Variants in ARMC1 observed in about 807,000 individuals in gnomAD.
ARMC1 encodes armadillo repeat-containing protein 1.
Under a neutral mutation model 31.4 loss-of-function variants are expected in ARMC1, and 16 were observed. The ratio of observed to expected loss-of-function variants is 0.51; its 90% CI spans 0.34 to 0.77. ARMC1 has a LOEUF of 0.77. ARMC1 is among the 30% of genes least tolerant of loss of function. ARMC1 has a pLI of 0.01. For synonymous variants in ARMC1, 114 were observed against 118.9 expected (o/e 0.96, Z 0.27); for missense variants, 259 against 347.5 (o/e 0.75, Z 2.02).
At chr8:65,611,201 T>G (rs1476180854) in intron 4 of ARMC1, among the ~76,000 whole-genome samples, 3 of 152,230 alleles carry the variant, frequency 2.0e-5, no homozygotes, top group Admixed American at 6.5e-5. Flanking sequence ...CCCAAAGTGC[T>G]GGCATTACCG....
intron 3 of ARMC1, among the ~76,000 whole-genome samples, chr8:65,617,271 A>G (rs989697194): frequency 2.6e-4 from 40 of 152,228 alleles, no homozygotes; most frequent in Non-Finnish European, 4.9e-4. Flanking sequence ...TTTGTTCTAT[A>G]CTAAGAAAAA....
chr8:65,632,561 C>T (rs1563422932), intron 1 of ARMC1, among the ~76,000 whole-genome samples: 1 of 151,580 alleles, frequency 6.6e-6, no homozygotes, highest in Non-Finnish European at 1.5e-5. Context: ...TGCAGTGAGC[C>T]GAGATTGTGC....
intron 3 of ARMC1, among the ~76,000 whole-genome samples, chr8:65,616,826 T>C (rs1183821307): frequency 6.8e-5 from 8 of 117,218 alleles, no homozygotes; most frequent in African/African-American, 1.7e-4. Flanking sequence ...CCGGCCGCCC[T>C]GTCTGAGAAG....
Position 65,605,290 on chromosome 8 carries a change from T to C in ARMC1, c.630A>G (p.Gln210=). ...CTTCTCCACTTTCACTTTTCACAAC[T>C]TGCTGAGCTTTCATAACCTTGGTTG... is the stretch of plus-strand genomic sequence containing the variant. ...IASTKVMKAQ[Q]VVKSESGEEM... Residue 210 remains glutamine (Q), a synonymous_variant, in exon 6 of 7, where the codon CAA becomes CAG. Coordinates refer to ENST00000276569, the MANE Select transcript of ARMC1 (RefSeq NM_018120.6). 1 of 1,613,708 alleles carries C rather than the reference T, an allele frequency of 6.2e-7. No homozygotes were observed. The highest frequency in any genetic ancestry group is 1.1e-5 in the South Asian group (1 of 90,926).
At chr8:65,618,895 T>C (rs1808333968) in intron 3 of ARMC1, among the ~76,000 whole-genome samples, 1 of 151,700 alleles carries the variant, frequency 6.6e-6, no homozygotes, top group Non-Finnish European at 1.5e-5. Context: ...TACAAAAAAT[T>C]AGCCGGGCGT....
chr8:65,627,242 G>T lies in ARMC1; in HGVS notation c.157C>A (p.Pro53Thr). ...AGCAAAGCGGAGTGGACGACTGGAGGGTTGGGATGGTCCATAAATAAAATA... is the reference window on the plus strand; with the variant it reads ...AGCAAAGCGGAGTGGACGACTGGAGTGTTGGGATGGTCCATAAATAAAATA... ...GLILFMDHPN[P>T]PVVHSALLAL... The change falls in exon 2 of 7, where the codon CCT becomes ACT. Residue 53 changes from proline (P) to threonine (T), a missense_variant. Coordinates refer to ENST00000276569, the MANE Select transcript of ARMC1 (RefSeq NM_018120.6). 1 of 1,600,174 alleles carries T rather than the reference G, an allele frequency of 6.2e-7. No individual in the cohort carries two copies. Among genetic ancestry groups the T allele is most frequent in the Non-Finnish European group, 8.5e-7 (1 of 1,172,024 alleles).
chr8:65,617,033 G>A (rs1208478845), intron 3 of ARMC1, among the ~76,000 whole-genome samples: 8 of 151,276 alleles, frequency 5.3e-5, no homozygotes, highest in Non-Finnish European at 1.5e-5. Flanking sequence ...CAGCCACCCC[G>A]TCCGGGAGGT....
rs181125184 is a variant in ARMC1 at position 65,623,499 on chromosome 8, C to T, written c.184-1145G>A. On this transcript the variant is annotated intron_variant, in intron 2 of 6. Coordinates refer to ENST00000276569, the MANE Select transcript of ARMC1 (RefSeq NM_018120.6). ...TGGCACGCACCTGTAATCCCAGCTA[C>T]TCGGGAGACTGAGGCAGGAGAATCG... Among the ~76,000 whole-genome samples, 569 of 151,184 alleles carry T rather than the reference C, an allele frequency of 3.8e-3. 2 individuals carry two copies. The highest frequency in any genetic ancestry group is 0.013 in the African/African-American group (524 of 41,168).
chr8:65,606,371 A>AAG (rs1554540106), intron 4 of ARMC1, among the ~76,000 whole-genome samples: 1 of 151,704 alleles, frequency 6.6e-6, no homozygotes, highest in Non-Finnish European at 1.5e-5. Context: ...AAAAAAAAAA[A>AAG]AAAAGAAAAG....
At chr8:65,621,808 A>G (rs1319960926) in intron 3 of ARMC1, among the ~76,000 whole-genome samples, 2 of 152,162 alleles carry the variant, frequency 1.3e-5, no homozygotes, top group Non-Finnish European at 2.9e-5. Context: ...CATGCCCAGC[A>G]TGTATGAAAT....
chr8:65,626,836 C>T (rs1048285772), intron 2 of ARMC1, among the ~76,000 whole-genome samples: 3 of 151,974 alleles, frequency 2.0e-5, no homozygotes, highest in Non-Finnish European at 2.9e-5. Context: ...GCCAACATGG[C>T]GAAACCCTAT....
At position 65,618,899 on chromosome 8, in the gene ARMC1, C is replaced by T. The variant is rs572316786; in HGVS notation, c.275+3364G>A. Among the ~76,000 whole-genome samples, 6 of 152,050 alleles carry T rather than the reference C, an allele frequency of 3.9e-5. No individual in the cohort carries two copies. In the South Asian group the frequency reaches 6.2e-4, roughly 16 times the overall value. ...TCTACTAAAAATACAAAAAATTAGC[C>T]GGGCGTGGTGGCACGTACCTGTGGT... On this transcript the variant is annotated intron_variant, in intron 3 of 6. Coordinates refer to ENST00000276569, the MANE Select transcript of ARMC1 (RefSeq NM_018120.6).
intron 1 of ARMC1, among the ~76,000 whole-genome samples, chr8:65,632,019 A>G (rs1808655557): frequency 6.6e-6 from 1 of 152,206 alleles, no homozygotes; most frequent in South Asian, 2.1e-4. Flanking sequence ...TATTTTTAAG[A>G]TAGGGTCTCG....
chr8:65,623,525 C>T (rs1037636129), intron 2 of ARMC1, among the ~76,000 whole-genome samples: 2 of 151,082 alleles, frequency 1.3e-5, no homozygotes, highest in African/African-American at 4.9e-5. Flanking sequence ...AGGAGAATCG[C>T]TTGAACCCAG....
intron 1 of ARMC1, among the ~76,000 whole-genome samples, chr8:65,628,927 G>A (rs543979779): frequency 1.3e-5 from 2 of 152,190 alleles, no homozygotes; most frequent in East Asian, 1.9e-4. Context: ...GCCAAGGCGG[G>A]TGGATCACCT....
At chr8:65,616,140 C>T (rs1248270252) in intron 3 of ARMC1, among the ~76,000 whole-genome samples, 4 of 152,092 alleles carry the variant, frequency 2.6e-5, no homozygotes, top group Non-Finnish European at 4.4e-5. Context: ...AACAGTAATT[C>T]CCTCTCCCCT....
At chr8:65,619,465 G>A (rs1191626294) in intron 3 of ARMC1, among the ~76,000 whole-genome samples, 2 of 152,096 alleles carry the variant, frequency 1.3e-5, no homozygotes, top group Non-Finnish European at 2.9e-5. Flanking sequence ...TTGAAACCGA[G>A]AGGAAGAGAT....
chr8:65,618,646 C>T (rs1486909492), intron 3 of ARMC1, among the ~76,000 whole-genome samples: 3 of 151,564 alleles, frequency 2.0e-5, no homozygotes, highest in African/African-American at 4.8e-5. Context: ...CTAACAGTCT[C>T]AACACAGACA....
rs979418911 is a variant in ARMC1 at position 65,622,264 on chromosome 8, T to C, written c.274A>G (p.Lys92Glu). The C allele has an allele frequency of 2.5e-6, 4 of 1,608,216 alleles. No homozygotes were observed. The Admixed American group carries it at 6.7e-5, about 27-fold the overall frequency. ...MMLSLQNVIQKTTTPGETKLL... is the reference protein window; with the variant it reads ...MMLSLQNVIQETTTPGETKLL... ...TGAGACACTGTCTATTGTACTTACT[T>C]CTGTATAACATTTTGTAAGCTCAAC... Residue 92 changes from lysine to glutamate, a missense_variant and splice_region_variant, in exon 3 of 7, where the codon AAA becomes GAA. Around this residue, in one of 3 missense-constraint regions of ARMC1, gnomAD observed 163 missense variants for 186.7 expected, o/e 0.87. Coordinates refer to ENST00000276569, the MANE Select transcript of ARMC1 (RefSeq NM_018120.6).
Sources: allele counts gnomAD v4.1 joint callset (sites outside exome capture counted in the v4.1 genomes callset), GRCh38; gene constraint gnomAD v4.1.1; regional missense constraint gnomAD v4.1.1; transcripts MANE v1.5; gene names NCBI Gene and HGNC (gene_info 2026-07-23, HGNC 2026-07-21).